The following MICAL3 variants were observed in gnomAD, a reference collection of about 807,000 sequenced individuals.
MICAL3 encodes the protein microtubule associated monooxygenase, calponin and LIM domain containing 3, also known as [F-actin]-monooxygenase MICAL3.
Under a neutral mutation model 207.4 loss-of-function variants are expected in MICAL3, and 62 were observed. The observed-to-expected ratio is 0.30, with a 90% CI of 0.24 to 0.37. The LOEUF is 0.37. Ranked by LOEUF, MICAL3 falls within the 10% of genes least tolerant of loss-of-function variation. The pLI, the probability that MICAL3 is intolerant of heterozygous loss-of-function variation, is 1.00. For missense variants in MICAL3, 2,368 were observed against 2,635.6 expected (o/e 0.90, Z 2.22); for synonymous variants, 1,077 against 1,069.3 (o/e 1.01, Z -0.14).
intron 22 of MICAL3, among the ~76,000 whole-genome samples, chr22:17,824,931 C>T (rs993808146): frequency 3.9e-5 from 6 of 152,248 alleles, no homozygotes; most frequent in African/African-American, 1.2e-4. Flanking sequence ...ACAAACGCCC[C>T]GTTTGGAACA....
intron 16 of MICAL3, among the ~76,000 whole-genome samples, chr22:17,877,177 TTA>T (rs1928700234): frequency 9.1e-6 from 1 of 110,068 alleles, no homozygotes; most frequent in Non-Finnish European, 1.8e-5. Context: ...GTTAGGGAGG[TTA>T]GGGAAGTTAT....
At chr22:17,976,962 AT>A in intron 1 of MICAL3, among the ~76,000 whole-genome samples, 1 of 152,046 alleles carries the variant, frequency 6.6e-6, no homozygotes, top group South Asian at 2.1e-4. Context: ...GCCCGCCACC[AT>A]GCCCGGCTAA....
chr22:17,878,188 A>G (rs1013450273), intron 16 of MICAL3, among the ~76,000 whole-genome samples: 4 of 152,212 alleles, frequency 2.6e-5, no homozygotes, highest in Admixed American at 6.5e-5. Context: ...CTGTTTCATT[A>G]AACATTATCA....
chr22:18,011,431 G>C (rs1016037830), intron 1 of MICAL3, among the ~76,000 whole-genome samples: 1 of 152,096 alleles, frequency 6.6e-6, no homozygotes, highest in Non-Finnish European at 1.5e-5. Flanking sequence ...TGTAATCCCA[G>C]CTACTCGGGA....
chr22:18,020,658 T>C (rs1924410035), intron 1 of MICAL3, among the ~76,000 whole-genome samples: 2 of 145,474 alleles, frequency 1.4e-5, no homozygotes, highest in Non-Finnish European at 3.0e-5. Context: ...GGCTCACACC[T>C]GTAATCCCAG....
intron 27 of MICAL3, 149 bp from the exon 28 acceptor site, chr22:17,810,962 G>A (rs953131311): frequency 1.4e-5 from 9 of 627,822 alleles, no homozygotes; most frequent in Non-Finnish European, 2.6e-5. Flanking sequence ...CTGTAGAGTA[G>A]AGTGCTAGCA....
intron 24 of MICAL3, 73 bp downstream of exon 24, chr22:17,821,957 T>C: frequency 6.4e-7 from 1 of 1,563,512 alleles, no homozygotes; most frequent in Non-Finnish European, 8.7e-7. Flanking sequence ...GCCTGGCCCC[T>C]GAGCCACTCT....
At chr22:17,827,129 C>T (rs564237304) in intron 22 of MICAL3, among the ~76,000 whole-genome samples, 1 of 152,166 alleles carries the variant, frequency 6.6e-6, no homozygotes, top group East Asian at 1.9e-4. Flanking sequence ...GAATAAGGTT[C>T]ATCTTCATCC....
chr22:17,798,482 A>G (rs1376728246), intron 29 of MICAL3, among the ~76,000 whole-genome samples: 1 of 152,028 alleles, frequency 6.6e-6, no homozygotes, highest in African/African-American at 2.4e-5. Context: ...ATTCTCAGGC[A>G]TATTTTGAGG....
At chr22:17,863,963 AAC>A in intron 19 of MICAL3, 1 of 985,464 alleles carries the variant, frequency 1.0e-6, no homozygotes, top group Non-Finnish European at 1.2e-6. Flanking sequence ...GACAGACAGA[AAC>A]ACAGCCCTGC....
intron 1 of MICAL3, among the ~76,000 whole-genome samples, chr22:17,914,758 ATTC>A (rs1932371842): frequency 2.0e-5 from 3 of 152,210 alleles, no homozygotes; most frequent in African/African-American, 2.4e-5. Flanking sequence ...TTTCACAGTA[ATTC>A]TTCTTACTGG....
chr22:17,791,074 G>A lies in MICAL3; in HGVS notation c.5751-3C>T, dbSNP rs1429705962. On this transcript the variant is annotated splice_region_variant and splice_polypyrimidine_tract_variant and intron_variant, in intron 30 of 31. Transcript: ENST00000441493. ...CTTCCAGCTCCAGCTCCCGGGCACT[G>A]AGGAGGCAGGGCAGGAGGGAGACAA... 6 of 1,610,904 alleles carry A rather than the reference G, an allele frequency of 3.7e-6. No individual in the cohort carries two copies. Among genetic ancestry groups the A allele is most frequent in the African/African-American group, 1.3e-5 (1 of 74,902 alleles).
In MICAL3 at chr22:17,817,356, T is replaced by C. The variant is rs1431557366; in HGVS notation, c.5305A>G (p.Thr1769Ala). The change falls in exon 26 of 32, where the codon ACG becomes GCG. Residue 1769 changes from threonine (T) to alanine (A), a missense_variant. By Grantham distance (58) the Thr-to-Ala change is moderately conservative. Around this residue, in one of 4 missense-constraint regions of MICAL3, gnomAD observed 1,770 missense variants for 1,863.2 expected, o/e 0.95. Coordinates refer to ENST00000441493, the MANE Select transcript of MICAL3 (RefSeq NM_015241.3). ...SCPSTPSSGA[T>A]VDSGKHRVLP... ...ACCCTGTGCTTTCCAGAGTCCACCG[T>C]GGCCCCGCTGGAGGGGGTGCTGGGG... is the stretch of plus-strand genomic sequence containing the variant. 5.0e-6 allele frequency: 8 copies of C among 1,610,582 alleles called. No homozygotes were observed. The highest frequency in any genetic ancestry group is 6.8e-6 in the Non-Finnish European group (8 of 1,178,814).
chr22:17,942,318 C>T (rs1029207386), intron 1 of MICAL3, among the ~76,000 whole-genome samples: 2 of 152,192 alleles, frequency 1.3e-5, no homozygotes, highest in African/African-American at 4.8e-5. Flanking sequence ...GCCCAGGGTG[C>T]TCCAGAAGGT....
intron 1 of MICAL3, among the ~76,000 whole-genome samples, chr22:17,959,067 G>A (rs1295447820): frequency 7.4e-6 from 1 of 134,844 alleles, no homozygotes; most frequent in African/African-American, 2.8e-5. Context: ...CCAGGCTGAA[G>A]TGCAGTGGCG....
chr22:17,920,239 A>T (rs1479171487), intron 1 of MICAL3, among the ~76,000 whole-genome samples: 1 of 152,208 alleles, frequency 6.6e-6, no homozygotes, highest in Non-Finnish European at 1.5e-5. Flanking sequence ...CGCAGTGAGG[A>T]CTGATGTGGC....
chr22:17,811,361 C>T (rs1036298618), intron 27 of MICAL3: 2 of 153,088 alleles, frequency 1.3e-5, no homozygotes, highest in Non-Finnish European at 2.9e-5. Context: ...CCATGAGAGT[C>T]TTCCAAGAAA....
rs116233117 is a variant in MICAL3 at position 17,880,589 on chromosome 22, T to C, written c.2241+5289A>G. Among the ~76,000 whole-genome samples the C allele has an allele frequency of 4.4e-3, 667 of 152,308 alleles. 7 individuals carry two copies. The highest frequency in any genetic ancestry group is 0.014 in the African/African-American group (569 of 41,564). ...ACTCACATTTTATAGAAACATACCA[T>C]GAAGGTCAACAATGCCATCCTACAA... is the stretch of plus-strand genomic sequence containing the variant. On this transcript the variant is annotated intron_variant, in intron 16 of 31. Transcript: ENST00000441493.
intron 1 of MICAL3, among the ~76,000 whole-genome samples, chr22:17,915,052 G>A (rs1232712259): frequency 1.3e-5 from 2 of 152,114 alleles, no homozygotes; most frequent in African/African-American, 4.8e-5. Context: ...AAGGCCTCTG[G>A]GTGGGGAGAA....
Sources: gnomAD v4.1 joint callset for allele counts (sites outside exome capture counted in the v4.1 genomes callset) on GRCh38, gnomAD v4.1.1 for gene constraint, gnomAD v4.1.1 regional missense constraint, MANE v1.5 for transcripts, NCBI Gene and HGNC (gene_info 2026-07-23, HGNC 2026-07-21) for gene names.